The following DNM3 variants were observed in gnomAD, a reference collection of about 807,000 sequenced individuals.
DNM3 encodes the protein dynamin 3.
Under a neutral mutation model 101.6 loss-of-function variants are expected in DNM3, and 47 were observed. The ratio of observed to expected loss-of-function variants is 0.46; its 90% CI spans 0.37 to 0.59. The LOEUF is 0.59. Among genes scored for constraint, DNM3 ranks in the 20% least tolerant of loss-of-function variants. The probability of loss-of-function intolerance (pLI) is 0.00; values close to 1 mark genes in which losing one functional copy is unlikely to be tolerated. For synonymous variants in DNM3, 385 were observed against 387.9 expected, an observed-to-expected ratio of 0.99 and a Z score of 0.09; for missense variants, 849 against 1,085.7, an observed-to-expected ratio of 0.78 and a Z score of 3.06.
chr1:172,215,880 C>T (rs1279823169), intron 14 of DNM3, among the ~76,000 whole-genome samples: 3 of 150,696 alleles, frequency 2.0e-5, no homozygotes, highest in Non-Finnish European at 4.4e-5. Context: ...CTTATAAATC[C>T]TAAAGAGTTA....
At chr1:172,139,338 A>G (rs1314504691) in intron 14 of DNM3, 1 of 162,468 alleles carries the variant, frequency 6.2e-6, no homozygotes, top group Non-Finnish European at 1.3e-5. Context: ...GATAAGTACC[A>G]TAACCTTGTC....
At chr1:172,362,458 C>G (rs924176177) in intron 17 of DNM3, among the ~76,000 whole-genome samples, 1 of 146,474 alleles carries the variant, frequency 6.8e-6, no homozygotes, top group Non-Finnish European at 1.5e-5. Context: ...AGCAAAAGGT[C>G]TGGTATAACT....
intron 15 of DNM3, among the ~76,000 whole-genome samples, chr1:172,272,188 A>C (rs914206601): frequency 1.3e-5 from 2 of 152,102 alleles, no homozygotes; most frequent in African/African-American, 4.8e-5. Flanking sequence ...ATACAGCAGA[A>C]GTGCTTGTGT....
chr1:172,128,359 T>G (rs915807500), intron 13 of DNM3, among the ~76,000 whole-genome samples: 1 of 152,190 alleles, frequency 6.6e-6, no homozygotes, highest in Non-Finnish European at 1.5e-5. Flanking sequence ...CCAAACTGGG[T>G]CTTTTTCCTC....
chr1:172,248,726 G>A (rs891855072), intron 14 of DNM3, among the ~76,000 whole-genome samples: 1 of 152,156 alleles, frequency 6.6e-6, no homozygotes, highest in Non-Finnish European at 1.5e-5. Flanking sequence ...CAAAAGCAGT[G>A]TCTGTCAGTT....
chr1:172,124,335 T>C (rs944958146), intron 13 of DNM3, among the ~76,000 whole-genome samples: 4 of 152,180 alleles, frequency 2.6e-5, no homozygotes, highest in African/African-American at 9.7e-5. Flanking sequence ...GTGCATACTC[T>C]TGGAGAAGGA....
chr1:172,309,319 C>T (rs1193506470), intron 16 of DNM3: 1 of 152,846 alleles, frequency 6.5e-6, no homozygotes, highest in Non-Finnish European at 1.5e-5. Flanking sequence ...TTAATATCCT[C>T]ATGAGTGTGA....
intron 10 of DNM3, among the ~76,000 whole-genome samples, chr1:172,064,546 A>T (rs2051499949): frequency 6.6e-6 from 1 of 152,184 alleles, no homozygotes; most frequent in East Asian, 1.9e-4. Context: ...ATTAAATGAG[A>T]TAATGAAATG....
chr1:172,111,564 G>A (rs1042830147), intron 13 of DNM3, among the ~76,000 whole-genome samples: 15 of 152,304 alleles, frequency 9.8e-5, no homozygotes, highest in Admixed American at 7.2e-4. Flanking sequence ...TAAGTAAGTT[G>A]CCTAAGTTCA....
At chr1:172,247,926 C>A (rs1023216890) in intron 14 of DNM3, among the ~76,000 whole-genome samples, 1 of 152,074 alleles carries the variant, frequency 6.6e-6, no homozygotes, top group Non-Finnish European at 1.5e-5. Context: ...TCAGGTGATC[C>A]ACCCACCTCA....
At chr1:172,206,214 C>A (rs2060317416) in intron 14 of DNM3, among the ~76,000 whole-genome samples, 2 of 152,050 alleles carry the variant, frequency 1.3e-5, no homozygotes, top group Non-Finnish European at 2.9e-5. Context: ...CAGCTGTTTT[C>A]CTTGACATGT....
chr1:171,901,675 T>C (rs1434396875), intron 1 of DNM3, among the ~76,000 whole-genome samples: 1 of 152,230 alleles, frequency 6.6e-6, no homozygotes, highest in Non-Finnish European at 1.5e-5. Flanking sequence ...ACTGAAGGCA[T>C]CACTATGTTT....
intron 1 of DNM3, among the ~76,000 whole-genome samples, chr1:171,916,170 C>G (rs1001944573): frequency 2.0e-5 from 3 of 152,184 alleles, no homozygotes; most frequent in African/African-American, 7.2e-5. Context: ...AGCACAGATG[C>G]TAGAGTTAGA....
At chr1:172,305,840 A>G (rs1271712894) in intron 15 of DNM3, among the ~76,000 whole-genome samples, 1 of 152,116 alleles carries the variant, frequency 6.6e-6, no homozygotes, top group Admixed American at 6.5e-5. Context: ...CAGCCTTCAC[A>G]CTAAAAACTC....
At chr1:172,274,484 G>C (rs1325404090) in intron 15 of DNM3, among the ~76,000 whole-genome samples, 1 of 152,032 alleles carries the variant, frequency 6.6e-6, no homozygotes, top group Non-Finnish European at 1.5e-5. Flanking sequence ...AAATGAGAGA[G>C]CCACTTTTCT....
At chr1:171,926,222 T>G (rs948695427) in intron 2 of DNM3, among the ~76,000 whole-genome samples, 2 of 152,186 alleles carry the variant, frequency 1.3e-5, no homozygotes, top group African/African-American at 4.8e-5. Context: ...CCTATTAATT[T>G]TAGTATTGTT....
intron 2 of DNM3, among the ~76,000 whole-genome samples, chr1:171,935,269 C>A (rs2041316959): frequency 6.6e-6 from 1 of 151,984 alleles, no homozygotes; most frequent in Non-Finnish European, 1.5e-5. Context: ...TATTAGTTGC[C>A]AAACCGAGCC....
chr1:172,410,444 C>A lies in DNM3; in HGVS notation c.*2603C>A. 23 of 984,772 alleles carry A rather than the reference C, an allele frequency of 2.3e-5. No homozygotes were observed. Among genetic ancestry groups the A allele is most frequent in the Non-Finnish European group, 2.8e-5 (23 of 829,420 alleles). 61.0% of individuals were successfully genotyped at this position (984,772 alleles called of 1,614,324 possible). A position where few individuals can be genotyped will look rare whatever the true frequency, so the allele number is the denominator to read the frequency against. The stretch of plus-strand genomic sequence containing the variant: ...TCATGTCTAGCATAATTTAAAAAAT[C>A]AGTGTTTTTAGGATTTGGGAAAATA... On this transcript the variant is annotated 3_prime_UTR_variant, in exon 21 of 21. Coordinates refer to ENST00000627582, the MANE Select transcript of DNM3 (RefSeq NM_015569.5).
In DNM3 at chr1:172,407,938, G is replaced by T; in HGVS notation, c.*97G>T. The T allele has an allele frequency of 6.3e-7, 1 of 1,594,666 alleles. No individual in the cohort carries two copies. The highest frequency in any genetic ancestry group is 1.1e-5 in the South Asian group (1 of 90,354). ...TAAATCATGAGTAGTCGCATGTGTG[G>T]ACATCAGTAGGCAAGTAACCAGTTT... On this transcript the variant is annotated 3_prime_UTR_variant, in exon 21 of 21. Transcript: ENST00000627582.
Sources: allele counts gnomAD v4.1 joint callset (sites outside exome capture counted in the v4.1 genomes callset), GRCh38; gene constraint gnomAD v4.1.1; transcripts MANE v1.5; gene names NCBI Gene and HGNC (gene_info 2026-07-23, HGNC 2026-07-21).